The following SH2D4B variants were observed in gnomAD, a reference collection of about 807,000 sequenced individuals.
SH2D4B encodes the protein SH2 domain containing 4B.
Under a neutral mutation model 61.5 loss-of-function variants are expected in SH2D4B, and 45 were observed. The observed-to-expected ratio is 0.73, with a 90% CI of 0.58 to 0.94. SH2D4B has a LOEUF of 0.94. Ranked by LOEUF, SH2D4B falls within the 40% of genes least tolerant of loss-of-function variation. The probability of loss-of-function intolerance (pLI) is 0.00; values close to 1 mark genes in which losing one functional copy is unlikely to be tolerated. For synonymous variants in SH2D4B, 224 were observed against 220.4 expected, an observed-to-expected ratio of 1.02 and a Z score of -0.14; for missense variants, 572 against 574.2, an observed-to-expected ratio of 1.00 and a Z score of 0.04.
chr10:80,559,850 T>G (rs1179191853), intron 1 of SH2D4B, among the ~76,000 whole-genome samples: 1 of 151,940 alleles, frequency 6.6e-6, no homozygotes, highest in Non-Finnish European at 1.5e-5. Context: ...GTTCCTAGGC[T>G]GGTCTCAAAC....
At chr10:80,609,055 G>GA (rs1223098072) in intron 5 of SH2D4B, among the ~76,000 whole-genome samples, 2 of 152,252 alleles carry the variant, frequency 1.3e-5, no homozygotes, top group African/African-American at 4.8e-5. Flanking sequence ...GTGCTCGAGG[G>GA]AAAATGTGCC....
At chr10:80,605,606 C>T (rs1842509511) in intron 5 of SH2D4B, among the ~76,000 whole-genome samples, 1 of 152,194 alleles carries the variant, frequency 6.6e-6, no homozygotes, top group Admixed American at 6.5e-5. Context: ...GCAACCTCCG[C>T]CTCCCAGGTT....
At chr10:80,609,624 T>A (rs1842571112) in intron 6 of SH2D4B, 73 bp downstream of exon 6, 1 of 1,604,712 alleles carries the variant, frequency 6.2e-7, no homozygotes, top group Non-Finnish European at 8.5e-7. Flanking sequence ...TGGGGAGGGG[T>A]GCTGAAGGAC....
At chr10:80,609,654 A>G (rs1392039364) in intron 6 of SH2D4B, 103 bp downstream of exon 6, 4 of 1,547,000 alleles carry the variant, frequency 2.6e-6, no homozygotes, top group African/African-American at 1.4e-5. Flanking sequence ...CAGGGGGCAG[A>G]GGACTTTAAG....
chr10:80,634,206 G>A (rs1842866808), intron 6 of SH2D4B, 79 bp from the exon 7 acceptor site: 2 of 1,459,352 alleles, frequency 1.4e-6, no homozygotes, highest in East Asian at 2.5e-5. Flanking sequence ...AGGGTGAGGG[G>A]CAGGGAGGAG....
intron 6 of SH2D4B, among the ~76,000 whole-genome samples, chr10:80,629,457 G>A (rs1373746236): frequency 6.6e-6 from 1 of 152,152 alleles, no homozygotes; most frequent in African/African-American, 2.4e-5. Context: ...TATCAAAAAG[G>A]AGGCAGAATT....
chr10:80,565,951 C>T (rs535554596), intron 1 of SH2D4B, among the ~76,000 whole-genome samples: 2 of 151,766 alleles, frequency 1.3e-5, no homozygotes, highest in East Asian at 3.9e-4. Context: ...ATTAGCCAGG[C>T]GTGGTGTTGG....
intron 6 of SH2D4B, among the ~76,000 whole-genome samples, chr10:80,621,972 C>G (rs1379694472): frequency 1.3e-5 from 2 of 152,204 alleles, no homozygotes; most frequent in African/African-American, 4.8e-5. Context: ...CCTCCCACCT[C>G]AGCCTCCCAA....
At chr10:80,639,208 G>C (rs1171570082) in intron 7 of SH2D4B, among the ~76,000 whole-genome samples, 1 of 152,100 alleles carries the variant, frequency 6.6e-6, no homozygotes, top group African/African-American at 2.4e-5. Context: ...ACTTCCAACT[G>C]TGTGGTCAAT....
At chr10:80,594,904 T>C (rs1349066199) in intron 4 of SH2D4B, among the ~76,000 whole-genome samples, 1 of 152,186 alleles carries the variant, frequency 6.6e-6, no homozygotes, top group Non-Finnish European at 1.5e-5. Context: ...TCTGGGGCCA[T>C]AACTGGGCAG....
At chr10:80,542,034 C>T (rs1027922516) in intron 1 of SH2D4B, among the ~76,000 whole-genome samples, 17 of 152,136 alleles carry the variant, frequency 1.1e-4, no homozygotes, top group Non-Finnish European at 2.2e-4. Flanking sequence ...TTTTTTAAAT[C>T]TAACATCATG....
At position 80,547,421 on chromosome 10, in the gene SH2D4B, C is replaced by A. The variant is rs150448764; in HGVS notation, c.184+8906C>A. On this transcript the variant is annotated intron_variant, in intron 1 of 7. Coordinates refer to ENST00000646907, the MANE Select transcript of SH2D4B (RefSeq NM_001388272.1). ...CAGCTTTTTGGTTGATTCCCTTGGA[C>A]TATCTAGGGAGCCATGCTGCACAGG... Among the ~76,000 whole-genome samples the A allele has an allele frequency of 2.4e-3, 360 of 152,306 alleles. 1 individual carries two copies. Among genetic ancestry groups the A allele is most frequent in the African/African-American group, 8.4e-3 (350 of 41,566 alleles).
chr10:80,578,568 T>A (rs1842152055), intron 3 of SH2D4B, among the ~76,000 whole-genome samples: 1 of 152,054 alleles, frequency 6.6e-6, no homozygotes, highest in South Asian at 2.1e-4. Context: ...AATGGTCTGC[T>A]GGAAGGAGAG....
chr10:80,609,028 G>A (rs971317936), intron 5 of SH2D4B, among the ~76,000 whole-genome samples: 12 of 152,198 alleles, frequency 7.9e-5, no homozygotes, highest in African/African-American at 2.6e-4. Flanking sequence ...ATCCATGCTG[G>A]TATTTATGCC....
At chr10:80,571,624 CCT>C in intron 3 of SH2D4B, 46 bp downstream of exon 3, 1 of 1,607,286 alleles carries the variant, frequency 6.2e-7, no homozygotes, top group Non-Finnish European at 8.5e-7. Flanking sequence ...CTAATTAGCC[CCT>C]GAGACCACTG....
chr10:80,545,823 C>T (rs899954960), intron 1 of SH2D4B, among the ~76,000 whole-genome samples: 2 of 152,052 alleles, frequency 1.3e-5, no homozygotes, highest in Admixed American at 1.3e-4. Context: ...CACGATGTGA[C>T]CTCTCCACCC....
intron 1 of SH2D4B, among the ~76,000 whole-genome samples, chr10:80,542,964 GC>G (rs904680840): frequency 3.4e-4 from 52 of 152,326 alleles, no homozygotes; most frequent in African/African-American, 1.2e-3. Context: ...TGGGGTTCCA[GC>G]CTCTACTGCC....
At chr10:80,573,178 A>G (rs1842084616) in intron 3 of SH2D4B, among the ~76,000 whole-genome samples, 1 of 140,544 alleles carries the variant, frequency 7.1e-6, no homozygotes, top group Non-Finnish European at 1.5e-5. Flanking sequence ...TTTAGTAGAG[A>G]CGGGGTTTTG....
At chr10:80,577,839 G>A (rs1371352947) in intron 3 of SH2D4B, among the ~76,000 whole-genome samples, 1 of 152,164 alleles carries the variant, frequency 6.6e-6, no homozygotes, top group African/African-American at 2.4e-5. Context: ...TGAGATTACA[G>A]GCGTGAGCCA....
Sources: gnomAD v4.1 joint callset for allele counts (sites outside exome capture counted in the v4.1 genomes callset) on GRCh38, gnomAD v4.1.1 for gene constraint, MANE v1.5 for transcripts, NCBI Gene and HGNC (gene_info 2026-07-23, HGNC 2026-07-21) for gene names.